Variants in QTMAN observed in about 807,000 individuals in gnomAD.
QTMAN encodes tRNA-queuosine alpha-mannosyltransferase.
chr2:144,307,147 G>A, the QTMAN span, among the ~76,000 whole-genome samples: 3 of 101,836 alleles, frequency 2.9e-5, no homozygotes, highest in African/African-American at 3.8e-5. Context: ...GTGACAGAGC[G>A]AGACTCCGTC....
chr2:143,985,875 C>T, the QTMAN span, among the ~76,000 whole-genome samples: 1 of 152,062 alleles, frequency 6.6e-6, no homozygotes, highest in African/African-American at 2.4e-5. Context: ...GTTATTTAAA[C>T]TTAAAAGCTA....
the QTMAN span, among the ~76,000 whole-genome samples, chr2:143,975,306 A>C: frequency 2.6e-5 from 4 of 152,190 alleles, no homozygotes; most frequent in African/African-American, 9.7e-5. Context: ...CTTGTCACTT[A>C]CACTGAACTG....
the QTMAN span, among the ~76,000 whole-genome samples, chr2:144,073,931 C>T: frequency 5.3e-5 from 8 of 152,150 alleles, no homozygotes; most frequent in Admixed American, 4.6e-4. Context: ...AATGAGGAGG[C>T]TGAAGCTCCA....
chr2:144,252,586 A>C, the QTMAN span, among the ~76,000 whole-genome samples: 2 of 152,148 alleles, frequency 1.3e-5, no homozygotes, highest in Non-Finnish European at 1.5e-5. Context: ...AACTGACAAC[A>C]CCAATTACTA....
the QTMAN span, among the ~76,000 whole-genome samples, chr2:144,128,517 T>C: frequency 2.0e-5 from 3 of 152,056 alleles, no homozygotes; most frequent in South Asian, 2.1e-4. Context: ...AATGGATCTA[T>C]TTTGTCAATG....
the QTMAN span, among the ~76,000 whole-genome samples, chr2:144,037,863 CTT>C: frequency 6.6e-6 from 1 of 152,114 alleles, no homozygotes; most frequent in African/African-American, 2.4e-5. Context: ...CATTAAAACT[CTT>C]TTTGCAATAT....
At chr2:144,155,679 A>G in the QTMAN span, among the ~76,000 whole-genome samples, 3 of 152,282 alleles carry the variant, frequency 2.0e-5, no homozygotes, top group East Asian at 5.8e-4. Flanking sequence ...ATACACATTT[A>G]AGGACCTACT....
the QTMAN span, among the ~76,000 whole-genome samples, chr2:144,159,392 C>T: frequency 6.6e-6 from 1 of 152,034 alleles, no homozygotes; most frequent in Non-Finnish European, 1.5e-5. Context: ...GTACTTGCAA[C>T]ATGGTAGGAC....
At chr2:144,064,953 G>T in the QTMAN span, among the ~76,000 whole-genome samples, 1 of 152,138 alleles carries the variant, frequency 6.6e-6, no homozygotes, top group Non-Finnish European at 1.5e-5. Flanking sequence ...AGGAGGAGAG[G>T]GGGGCAGAGT....
the QTMAN span, among the ~76,000 whole-genome samples, chr2:144,250,293 A>G: frequency 6.6e-6 from 1 of 151,724 alleles, no homozygotes; most frequent in East Asian, 1.9e-4. Context: ...ACAGGCATGC[A>G]CCATCATGCC....
chr2:144,172,128 C>T, the QTMAN span, among the ~76,000 whole-genome samples: 1 of 151,734 alleles, frequency 6.6e-6, no homozygotes, highest in South Asian at 2.1e-4. Flanking sequence ...TCCGCCATAG[C>T]AAAATAAAAA....
the QTMAN span, among the ~76,000 whole-genome samples, chr2:144,064,994 T>C: frequency 6.6e-6 from 1 of 152,158 alleles, no homozygotes; most frequent in East Asian, 1.9e-4. Flanking sequence ...TGAAATGACC[T>C]TGGGGTGAGG....
At chr2:144,170,696 T>C in the QTMAN span, among the ~76,000 whole-genome samples, 1 of 152,064 alleles carries the variant, frequency 6.6e-6, no homozygotes, top group African/African-American at 2.4e-5. Context: ...AAAAAGGTGT[T>C]TGATGCCTCT....
At chr2:144,021,167 CATT>C in the QTMAN span, among the ~76,000 whole-genome samples, 1 of 152,048 alleles carries the variant, frequency 6.6e-6, no homozygotes, top group Non-Finnish European at 1.5e-5. Context: ...CAAGTAGAAT[CATT>C]ATAGAATTTC....
the QTMAN span, among the ~76,000 whole-genome samples, chr2:143,985,689 GTATAT>G: frequency 6.6e-6 from 1 of 152,210 alleles, no homozygotes; most frequent in South Asian, 2.1e-4. Context: ...AGTATCATGT[GTATAT>G]TATATTAATT....
chr2:144,216,167 C>T, the QTMAN span, among the ~76,000 whole-genome samples: 1 of 152,302 alleles, frequency 6.6e-6, no homozygotes, highest in Admixed American at 6.5e-5. Flanking sequence ...CTCTGTTCAA[C>T]TAATGAACTT....
chr2:144,092,352 CT>C, the QTMAN span, among the ~76,000 whole-genome samples: 378 of 151,866 alleles, frequency 2.5e-3, 1 homozygote, highest in Non-Finnish European at 4.6e-3. Flanking sequence ...ATTTTTTGTA[CT>C]TTTAGTAGAG....
chr2:144,093,184 T>C, the QTMAN span, among the ~76,000 whole-genome samples: 1 of 152,184 alleles, frequency 6.6e-6, no homozygotes, highest in Non-Finnish European at 1.5e-5. Flanking sequence ...TTTTTATCTA[T>C]ATGATTACTT....
chr2:144,182,902 T>G, the QTMAN span, among the ~76,000 whole-genome samples: 353 of 96,310 alleles, frequency 3.7e-3, 11 homozygotes, highest in South Asian at 0.016. Context: ...ATATATATAT[T>G]ATATATATAT....
Sources: allele counts gnomAD v4.1 joint callset (sites outside exome capture counted in the v4.1 genomes callset), GRCh38; gene constraint gnomAD v4.1.1; transcripts MANE v1.5; gene names NCBI Gene and HGNC (gene_info 2026-07-23, HGNC 2026-07-21).